Variants in ST8SIA5 observed in about 807,000 individuals in gnomAD.
ST8SIA5 encodes the protein ST8 alpha-N-acetyl-neuraminide alpha-2,8-sialyltransferase 5.
In ST8SIA5, 24 loss-of-function variants were observed where a neutral mutation model predicts 40.2. That is an observed-to-expected ratio of 0.60 (90% CI 0.43 to 0.84). ST8SIA5 has a LOEUF of 0.84. ST8SIA5 is among the 40% of genes least tolerant of loss of function. ST8SIA5 has a pLI of 0.00. For synonymous variants in ST8SIA5, 198 were observed against 201.8 expected, an observed-to-expected ratio of 0.98 and a Z score of 0.16; for missense variants, 465 against 498.5, an observed-to-expected ratio of 0.93 and a Z score of 0.64.
At chr18:46,715,406 A>G (rs1301596509) in intron 1 of ST8SIA5, among the ~76,000 whole-genome samples, 8 of 152,208 alleles carry the variant, frequency 5.3e-5, no homozygotes, top group South Asian at 4.1e-4. Context: ...TCAGAAAAAC[A>G]CTAAGCACAC....
At chr18:46,721,565 C>T (rs1464079882) in intron 1 of ST8SIA5, 12 of 1,013,888 alleles carry the variant, frequency 1.2e-5, no homozygotes, top group African/African-American at 3.2e-5. Context: ...CCAAGTGACA[C>T]ATTGCCTTGG....
At chr18:46,709,172 G>A (rs1292826585) in intron 1 of ST8SIA5, among the ~76,000 whole-genome samples, 2 of 152,164 alleles carry the variant, frequency 1.3e-5, no homozygotes, top group African/African-American at 4.8e-5. Flanking sequence ...AATCCACAAT[G>A]TGATGGTATT....
intron 1 of ST8SIA5, among the ~76,000 whole-genome samples, chr18:46,738,644 C>G (rs931557997): frequency 1.3e-5 from 2 of 152,126 alleles, no homozygotes; most frequent in African/African-American, 4.8e-5. Flanking sequence ...AGGCTGCAGT[C>G]AGAGCAGCAT....
intron 1 of ST8SIA5, among the ~76,000 whole-genome samples, chr18:46,745,673 T>C (rs925741884): frequency 1.3e-5 from 2 of 152,316 alleles, no homozygotes; most frequent in African/African-American, 4.8e-5. Flanking sequence ...TCTGAAACTA[T>C]TCCAATCAAT....
chr18:46,716,261 T>C (rs2039790673), intron 1 of ST8SIA5, among the ~76,000 whole-genome samples: 1 of 152,142 alleles, frequency 6.6e-6, no homozygotes, highest in Non-Finnish European at 1.5e-5. Context: ...AAGGACTGAA[T>C]GGGATAATAC....
At chr18:46,711,069 A>C (rs1234526404) in intron 1 of ST8SIA5, among the ~76,000 whole-genome samples, 1 of 152,156 alleles carries the variant, frequency 6.6e-6, no homozygotes, top group East Asian at 1.9e-4. Flanking sequence ...GGAGTTGTTT[A>C]TTTATTCCAC....
chr18:46,721,508 T>C (rs970056095), intron 1 of ST8SIA5: 2 of 1,510,152 alleles, frequency 1.3e-6, no homozygotes, highest in Non-Finnish European at 1.8e-6. Flanking sequence ...CATGCTCATT[T>C]GCTGGGTTAA....
At chr18:46,688,570 G>A (rs1318178322) in intron 4 of ST8SIA5, among the ~76,000 whole-genome samples, 1 of 152,194 alleles carries the variant, frequency 6.6e-6, no homozygotes, top group African/African-American at 2.4e-5. Flanking sequence ...ATAGACAGTT[G>A]GCAGTCATGG....
chr18:46,710,413 T>TTCTTTCTGTCTG (rs1244310202), intron 1 of ST8SIA5, among the ~76,000 whole-genome samples: 2 of 127,506 alleles, frequency 1.6e-5, no homozygotes, highest in African/African-American at 3.1e-5. Flanking sequence ...CTTTCTTTCT[T>TTCTTTCTGTCTG]TCTTTTTCTT....
At chr18:46,700,789 A>C (rs2039605465) in intron 2 of ST8SIA5, among the ~76,000 whole-genome samples, 1 of 152,116 alleles carries the variant, frequency 6.6e-6, no homozygotes, top group African/African-American at 2.4e-5. Flanking sequence ...CCAAAGCCAA[A>C]TGTGGAGAGG....
intron 2 of ST8SIA5, 116 bp downstream of exon 2, chr18:46,704,456 A>T: frequency 1.1e-6 from 1 of 928,382 alleles, no homozygotes; most frequent in South Asian, 1.5e-5. Context: ...TTTTCGCTCT[A>T]TAGGAACCTA....
intron 1 of ST8SIA5, among the ~76,000 whole-genome samples, chr18:46,738,548 C>T (rs1028666616): frequency 2.0e-5 from 3 of 152,194 alleles, no homozygotes; most frequent in Admixed American, 6.5e-5. Context: ...GGCCTCACCT[C>T]ATCTCAGTTT....
chr18:46,698,857 C>G (rs1187796924), intron 2 of ST8SIA5, among the ~76,000 whole-genome samples: 1 of 152,078 alleles, frequency 6.6e-6, no homozygotes, highest in Non-Finnish European at 1.5e-5. Flanking sequence ...GATGGAGAGG[C>G]AGGGAAATAG....
In ST8SIA5 at chr18:46,669,158, G is replaced by A. The variant is rs1489194293; in HGVS notation, c.*10884C>T. ...GTCCCTCCACACAGGTGCTGGGCAG[G>A]GCATGAGGCCAGGGTGAAGCCCAGG... On this transcript the variant is annotated 3_prime_UTR_variant, in exon 7 of 7. Coordinates refer to ENST00000315087, the MANE Select transcript of ST8SIA5 (RefSeq NM_013305.6). The A allele has an allele frequency of 2.6e-5, 4 of 152,734 alleles. No individual in the cohort carries two copies. Among genetic ancestry groups the A allele is most frequent in the East Asian group, 3.9e-4 (2 of 5,194 alleles). 9.5% of individuals were successfully genotyped at this position (152,734 alleles called of 1,614,324 possible).
intron 2 of ST8SIA5, among the ~76,000 whole-genome samples, chr18:46,697,428 G>A (rs1875092402): frequency 6.6e-6 from 1 of 152,172 alleles, no homozygotes; most frequent in Non-Finnish European, 1.5e-5. Context: ...AGAGCTGGAA[G>A]ATGAAGTCAA....
At chr18:46,736,935 G>A (rs1052842104) in intron 1 of ST8SIA5, among the ~76,000 whole-genome samples, 2 of 151,950 alleles carry the variant, frequency 1.3e-5, no homozygotes, top group Admixed American at 6.5e-5. Flanking sequence ...CAGGACCTGT[G>A]GGCCCCCTGG....
At chr18:46,728,345 G>C (rs1385046548) in intron 1 of ST8SIA5, among the ~76,000 whole-genome samples, 1 of 152,222 alleles carries the variant, frequency 6.6e-6, no homozygotes, top group African/African-American at 2.4e-5. Context: ...GGGGACACAG[G>C]AAGGGGAGGA....
At chr18:46,743,586 C>T (rs1197774985) in intron 1 of ST8SIA5, among the ~76,000 whole-genome samples, 6 of 152,216 alleles carry the variant, frequency 3.9e-5, no homozygotes, top group African/African-American at 9.6e-5. Flanking sequence ...AATCTACATT[C>T]GATTGGTGTA....
intron 2 of ST8SIA5, among the ~76,000 whole-genome samples, chr18:46,696,379 A>G (rs1190161920): frequency 2.0e-5 from 3 of 152,254 alleles, no homozygotes; most frequent in African/African-American, 7.2e-5. Flanking sequence ...CACTGCTTCA[A>G]ATGCCTTCTG....
Sources: allele counts gnomAD v4.1 joint callset (sites outside exome capture counted in the v4.1 genomes callset), GRCh38; gene constraint gnomAD v4.1.1; transcripts MANE v1.5; gene names NCBI Gene and HGNC (gene_info 2026-07-23, HGNC 2026-07-21).